The following PVT1 variants were observed in gnomAD, a reference collection of about 807,000 sequenced individuals.
The protein encoded by PVT1 is CXCR4/PVT1 fusion.
chr8:127,943,263 G>A (rs1285612869), intron 3 of PVT1, among the ~76,000 whole-genome samples: 2 of 152,202 alleles, frequency 1.3e-5, no homozygotes, highest in African/African-American at 4.8e-5. Flanking sequence ...TTTCTCAAGT[G>A]ATCTTAGCAC....
At chr8:128,013,689 C>T (rs1194459319) in intron 4 of PVT1, among the ~76,000 whole-genome samples, 1 of 152,178 alleles carries the variant, frequency 6.6e-6, no homozygotes, top group South Asian at 2.1e-4. Flanking sequence ...GGGGGAGACT[C>T]TCCTGACAGA....
intron 4 of PVT1, among the ~76,000 whole-genome samples, chr8:128,015,884 C>T (rs1282214288): frequency 6.6e-6 from 1 of 151,974 alleles, no homozygotes; most frequent in Non-Finnish European, 1.5e-5. Context: ...TCTGCCATCC[C>T]TGGGACCTTG....
chr8:128,036,892 C>T (rs1213694148), intron 4 of PVT1, among the ~76,000 whole-genome samples: 1 of 152,220 alleles, frequency 6.6e-6, no homozygotes, highest in Non-Finnish European at 1.5e-5. Context: ...GACTTGGCTG[C>T]AGGGTGCTGT....
chr8:127,881,613 C>T (rs1439504861), intron 2 of PVT1, among the ~76,000 whole-genome samples: 1 of 151,840 alleles, frequency 6.6e-6, no homozygotes, highest in Non-Finnish European at 1.5e-5. Flanking sequence ...CCCGCCACCA[C>T]ACTCAGCTAA....
At chr8:127,883,283 T>C (rs1008714161) in intron 2 of PVT1, among the ~76,000 whole-genome samples, 2 of 152,224 alleles carry the variant, frequency 1.3e-5, no homozygotes, top group African/African-American at 4.8e-5. Context: ...CAACCCTGTA[T>C]ACTTTAAGTC....
intron 3 of PVT1, chr8:127,939,613 G>A (rs967563765): frequency 3.9e-5 from 6 of 152,224 alleles, no homozygotes; most frequent in African/African-American, 1.2e-4. Context: ...TCCCCTTTGA[G>A]CTGCTTGGCA....
chr8:127,926,729 C>T (rs1407405742), intron 3 of PVT1, among the ~76,000 whole-genome samples: 1 of 152,204 alleles, frequency 6.6e-6, no homozygotes, highest in Non-Finnish European at 1.5e-5. Context: ...GGTGCCCACC[C>T]TCAGACACTA....
intron 3 of PVT1, among the ~76,000 whole-genome samples, chr8:127,981,060 T>C (rs1406379141): frequency 6.6e-6 from 1 of 152,182 alleles, no homozygotes. Flanking sequence ...CCTCTCAAAG[T>C]GCTGGGATTA....
chr8:128,025,223 G>A (rs561723449), intron 4 of PVT1, among the ~76,000 whole-genome samples: 47 of 152,260 alleles, frequency 3.1e-4, no homozygotes, highest in Middle Eastern at 6.8e-3. Context: ...TTCGGGGTAC[G>A]GAAGCAGGAT....
intron 3 of PVT1, among the ~76,000 whole-genome samples, chr8:127,961,540 G>T (rs555128897): frequency 6.6e-6 from 1 of 152,298 alleles, no homozygotes; most frequent in South Asian, 2.1e-4. Flanking sequence ...AGCTGGGTGA[G>T]CATCTAAGGT....
In PVT1 at chr8:128,086,788, G is replaced by A. The variant is rs1033617874; in HGVS notation, n.1115-9730G>A. Reference sequence around the variant, plus strand: ...TTAACTCCTTGTTCCTACAGGGTGGGCCCTGGCTGCGTTTGGCTCCAGCAT... The same window carrying A: ...TTAACTCCTTGTTCCTACAGGGTGGACCCTGGCTGCGTTTGGCTCCAGCAT... On this transcript the variant is annotated intron_variant and non_coding_transcript_variant, in intron 5 of 10. Coordinates refer to ENST00000651587, the Ensembl canonical transcript of PVT1. 2.0e-5 allele frequency among the ~76,000 whole-genome samples: 3 copies of A among 152,178 alleles called. No homozygotes were observed. In the East Asian group the frequency reaches 5.8e-4, roughly 29 times the overall value.
intron 2 of PVT1, among the ~76,000 whole-genome samples, chr8:127,841,151 G>A (rs1402310452): frequency 6.6e-6 from 1 of 152,244 alleles, no homozygotes; most frequent in Non-Finnish European, 1.5e-5. Flanking sequence ...GAAGCGCTTG[G>A]CATGTGCCTG....
chr8:128,038,540 C>T (rs751249324), intron 4 of PVT1, among the ~76,000 whole-genome samples: 1 of 152,288 alleles, frequency 6.6e-6, no homozygotes, highest in Non-Finnish European at 1.5e-5. Context: ...GTGCTGGCCT[C>T]TGGAGTAACA....
At chr8:127,986,236 A>G (rs1816968879) in intron 3 of PVT1, among the ~76,000 whole-genome samples, 1 of 152,110 alleles carries the variant, frequency 6.6e-6, no homozygotes, top group Non-Finnish European at 1.5e-5. Context: ...CAGAGAGGAG[A>G]ACAGATGTTA....
intron 4 of PVT1, among the ~76,000 whole-genome samples, chr8:128,046,270 C>T (rs927586235): frequency 2.0e-5 from 3 of 152,206 alleles, no homozygotes; most frequent in Admixed American, 6.5e-5. Context: ...AAGCACTTTA[C>T]TTATATTAAC....
intron 2 of PVT1, among the ~76,000 whole-genome samples, chr8:127,824,013 C>T (rs996538595): frequency 2.0e-5 from 3 of 152,046 alleles, no homozygotes; most frequent in Non-Finnish European, 2.9e-5. Flanking sequence ...GGCAACAAAG[C>T]GAGAGCCTGT....
intron 2 of PVT1, among the ~76,000 whole-genome samples, chr8:127,814,164 G>C (rs990837120): frequency 6.6e-6 from 1 of 152,208 alleles, no homozygotes; most frequent in Non-Finnish European, 1.5e-5. Context: ...GAAAGTGGAC[G>C]TGAGAATAGA....
At chr8:128,005,117 G>A (rs1808506) in intron 4 of PVT1, among the ~76,000 whole-genome samples, 22,035 of 151,374 alleles carry the variant, frequency 0.15, 1,852 homozygotes, top group South Asian at 0.26. Flanking sequence ...TCCAGCCTGG[G>A]CAACAAGAAC....
At chr8:128,041,405 G>A (rs1813537677) in intron 4 of PVT1, among the ~76,000 whole-genome samples, 1 of 149,204 alleles carries the variant, frequency 6.7e-6, no homozygotes, top group Non-Finnish European at 1.5e-5. Flanking sequence ...GTGTTTGTGT[G>A]CATGTGTGTT....
Sources: gnomAD v4.1 joint callset for allele counts (sites outside exome capture counted in the v4.1 genomes callset) on GRCh38, gnomAD v4.1.1 for gene constraint, MANE v1.5 for transcripts, NCBI Gene and HGNC (gene_info 2026-07-23, HGNC 2026-07-21) for gene names.